The following ANKRD13C variants were observed in gnomAD, a reference collection of about 807,000 sequenced individuals.
The protein encoded by ANKRD13C is ankyrin repeat domain-containing protein 13C.
Under a neutral mutation model 65.5 loss-of-function variants are expected in ANKRD13C, and 16 were observed. That is an observed-to-expected ratio of 0.24 (90% CI 0.17 to 0.37). The LOEUF (loss-of-function observed/expected upper bound fraction) is 0.37. Ranked by LOEUF, ANKRD13C falls within the 10% of genes least tolerant of loss-of-function variation. The pLI is 1.00. For synonymous variants in ANKRD13C, 235 were observed against 238.7 expected (o/e 0.98, Z 0.14); for missense variants, 503 against 655.9 (o/e 0.77, Z 2.55).
At chr1:70,325,600 C>T (rs544631211) in intron 2 of ANKRD13C, among the ~76,000 whole-genome samples, 2 of 152,112 alleles carry the variant, frequency 1.3e-5, no homozygotes, top group Non-Finnish European at 1.5e-5. Context: ...AAAAGTTGGC[C>T]GGGCGCGGTG....
At chr1:70,322,001 C>T (rs1262849159) in intron 3 of ANKRD13C, among the ~76,000 whole-genome samples, 1 of 152,134 alleles carries the variant, frequency 6.6e-6, no homozygotes, top group Non-Finnish European at 1.5e-5. Flanking sequence ...ACTTAAATCA[C>T]AGTGCTTAAG....
At chr1:70,275,178 A>G (rs1679075194) in intron 10 of ANKRD13C, among the ~76,000 whole-genome samples, 1 of 152,234 alleles carries the variant, frequency 6.6e-6, no homozygotes, top group Non-Finnish European at 1.5e-5. Context: ...TTTACTGTCT[A>G]TTACAGCCTC....
chr1:70,280,855 A>C (rs181655248), intron 9 of ANKRD13C, among the ~76,000 whole-genome samples: 1 of 152,184 alleles, frequency 6.6e-6, no homozygotes, highest in African/African-American at 2.4e-5. Flanking sequence ...TTAGGAAGCT[A>C]TCTCAGTAAT....
intron 3 of ANKRD13C, among the ~76,000 whole-genome samples, chr1:70,323,810 C>T (rs1054903149): frequency 5.3e-5 from 8 of 151,392 alleles, no homozygotes; most frequent in East Asian, 2.0e-4. Context: ...CTGCAACCTC[C>T]GCCTCCCAGG....
intron 1 of ANKRD13C, among the ~76,000 whole-genome samples, chr1:70,339,767 C>G (rs533820678): frequency 3.3e-5 from 5 of 150,586 alleles, no homozygotes; most frequent in Non-Finnish European, 7.4e-5. Flanking sequence ...ACTTCTGATT[C>G]CTAATATCTG....
At chr1:70,331,514 C>A (rs1054979896) in intron 2 of ANKRD13C, among the ~76,000 whole-genome samples, 1 of 152,030 alleles carries the variant, frequency 6.6e-6, no homozygotes, top group Non-Finnish European at 1.5e-5. Context: ...AATAGACTAT[C>A]TAGGCTGAAC....
intron 9 of ANKRD13C, among the ~76,000 whole-genome samples, chr1:70,285,343 C>A (rs1679573533): frequency 6.6e-6 from 1 of 151,786 alleles, no homozygotes; most frequent in African/African-American, 2.4e-5. Flanking sequence ...CAGGCACGCA[C>A]TACCATGCCC....
intron 9 of ANKRD13C, among the ~76,000 whole-genome samples, chr1:70,291,945 C>G (rs992793936): frequency 2.0e-5 from 3 of 152,026 alleles, no homozygotes; most frequent in Middle Eastern, 3.4e-3. Context: ...ATGATAAAAC[C>G]CTGTCTCTAC....
chr1:70,286,803 T>C (rs909970272), intron 9 of ANKRD13C, among the ~76,000 whole-genome samples: 10 of 152,122 alleles, frequency 6.6e-5, no homozygotes, highest in South Asian at 4.1e-4. Flanking sequence ...CTGGCCAACA[T>C]GGCGAAACCC....
intron 12 of ANKRD13C, among the ~76,000 whole-genome samples, chr1:70,268,025 T>C (rs1572015883): frequency 6.6e-6 from 1 of 152,326 alleles, no homozygotes; most frequent in East Asian, 1.9e-4. Flanking sequence ...CTGGTGGAAT[T>C]ACAGGTGCTT....
intron 12 of ANKRD13C, among the ~76,000 whole-genome samples, chr1:70,263,887 A>G (rs1276220967): frequency 6.6e-6 from 1 of 152,220 alleles, no homozygotes; most frequent in Non-Finnish European, 1.5e-5. Flanking sequence ...GAGTAAATTA[A>G]GTCTAACTGA....
At chr1:70,338,464 G>A (rs564087908) in intron 1 of ANKRD13C, among the ~76,000 whole-genome samples, 1 of 152,148 alleles carries the variant, frequency 6.6e-6, no homozygotes, top group East Asian at 1.9e-4. Context: ...TGCAGAGGCC[G>A]ATCTGGGCTC....
chr1:70,341,042 G>A (rs987726158), intron 1 of ANKRD13C, among the ~76,000 whole-genome samples: 4 of 152,088 alleles, frequency 2.6e-5, no homozygotes, highest in East Asian at 1.9e-4. Context: ...CCCAGGAGGC[G>A]GAGGTTGCAG....
In ANKRD13C at chr1:70,262,319, G is replaced by C. The variant is rs1678418302; in HGVS notation, c.*398C>G. The C allele has an allele frequency of 6.5e-6, 1 of 152,858 alleles. No homozygotes were observed. Among genetic ancestry groups the C allele is most frequent in the African/African-American group, 2.4e-5 (1 of 41,430 alleles). The allele number at this position is 152,858 out of a possible 1,614,324, so 9.5% of individuals were successfully genotyped here. ...TTTAAAAGGGCTCCATATCTCTTAA[G>C]ACATTTAATTTACGTTAATGGTCCA... is the stretch of plus-strand genomic sequence containing the variant. On this transcript the variant is annotated 3_prime_UTR_variant, in exon 13 of 13. Transcript: ENST00000370944.
chr1:70,292,796 T>C (rs1023021920), intron 8 of ANKRD13C, among the ~76,000 whole-genome samples: 13 of 152,172 alleles, frequency 8.5e-5, no homozygotes, highest in Admixed American at 5.2e-4. Context: ...CATAAAAATG[T>C]ATGGTAGTTA....
At chr1:70,290,730 AT>A (rs1679828363) in intron 9 of ANKRD13C, among the ~76,000 whole-genome samples, 1 of 151,344 alleles carries the variant, frequency 6.6e-6, no homozygotes, top group African/African-American at 2.4e-5. Context: ...TTAATTTTTT[AT>A]TTTTTTAGTA....
rs1285539444 is a variant in ANKRD13C at position 70,260,536 on chromosome 1, C to T, written c.*2181G>A. The T allele has an allele frequency of 3.3e-5, 5 of 152,134 alleles. No homozygotes were observed. Among genetic ancestry groups the T allele is most frequent in the African/African-American group, 1.2e-4 (5 of 41,462 alleles). 9.4% of individuals were successfully genotyped at this position (152,134 alleles called of 1,614,324 possible). On this transcript the variant is annotated 3_prime_UTR_variant, in exon 13 of 13. Transcript: ENST00000370944. ...TGTTTTGACTTATTCATTTGAAACA[C>T]TGCATATAGCTTCATTCATTAACTG...
At position 70,345,962 on chromosome 1, in the gene ANKRD13C, C is replaced by T. The variant is rs137909181; in HGVS notation, c.430+8017G>A. Among the ~76,000 whole-genome samples, 9 of 152,240 alleles carry T rather than the reference C, an allele frequency of 5.9e-5. No individual in the cohort carries two copies. The East Asian group carries it at 1.7e-3, about 29-fold the overall frequency. On this transcript the variant is annotated intron_variant, in intron 1 of 12. Transcript: ENST00000370944. Reference sequence around the variant, plus strand: ...GCTCAGCTTACACTCAAATACCCCTCAAACTTTTTTCTAATACTTTTTTTT... The same window carrying T: ...GCTCAGCTTACACTCAAATACCCCTTAAACTTTTTTCTAATACTTTTTTTT...
intron 9 of ANKRD13C, among the ~76,000 whole-genome samples, chr1:70,282,273 T>C (rs943800421): frequency 8.6e-5 from 13 of 151,674 alleles, no homozygotes; most frequent in African/African-American, 3.1e-4. Flanking sequence ...GCCAGGCTGG[T>C]CTCGATCTCC....
Sources: allele counts gnomAD v4.1 joint callset (sites outside exome capture counted in the v4.1 genomes callset), GRCh38; gene constraint gnomAD v4.1.1; transcripts MANE v1.5; gene names NCBI Gene and HGNC (gene_info 2026-07-23, HGNC 2026-07-21).